Variants in GRIN2B observed in about 807,000 individuals in gnomAD.
GRIN2B encodes glutamate ionotropic receptor NMDA type subunit 2B, also known as glutamate receptor ionotropic, NMDA 2B.
Under a neutral mutation model 114.5 loss-of-function variants are expected in GRIN2B, and 5 were observed. That is an observed-to-expected ratio of 0.04 (90% CI 0.02 to 0.09). GRIN2B has a LOEUF of 0.09. GRIN2B is among the 10% of genes least tolerant of loss of function. The probability of loss-of-function intolerance (pLI) is 1.00; values close to 1 mark genes in which losing one functional copy is unlikely to be tolerated. For synonymous variants in GRIN2B, 787 were observed against 745.1 expected, an observed-to-expected ratio of 1.06 and a Z score of -0.92; for missense variants, 1,108 against 1,943.5, an observed-to-expected ratio of 0.57 and a Z score of 8.08.
intron 10 of GRIN2B, among the ~76,000 whole-genome samples, chr12:13,595,760 A>G (rs1013998140): frequency 6.6e-6 from 1 of 152,226 alleles, no homozygotes; most frequent in Non-Finnish European, 1.5e-5. Flanking sequence ...CAATTTGCAT[A>G]ACGAGGCAGG....
At chr12:13,970,494 T>A (rs1862889598) in intron 2 of GRIN2B, among the ~76,000 whole-genome samples, 1 of 152,154 alleles carries the variant, frequency 6.6e-6, no homozygotes, top group Admixed American at 6.5e-5. Context: ...TCCATCATCA[T>A]CTTTACCAAC....
chr12:13,871,721 C>CAAA (rs60305175), intron 2 of GRIN2B, among the ~76,000 whole-genome samples: 4 of 122,784 alleles, frequency 3.3e-5, no homozygotes, highest in African/African-American at 1.2e-4. Context: ...CAAGATGAAT[C>CAAA]AAAAAAAAAA....
At chr12:13,602,095 G>A (rs1391550822) in intron 10 of GRIN2B, among the ~76,000 whole-genome samples, 1 of 152,154 alleles carries the variant, frequency 6.6e-6, no homozygotes, top group Non-Finnish European at 1.5e-5. Context: ...CATGGAAAGG[G>A]CCAGACTGGC....
At chr12:13,829,979 G>C (rs989902885) in intron 3 of GRIN2B, among the ~76,000 whole-genome samples, 3 of 152,178 alleles carry the variant, frequency 2.0e-5, no homozygotes, top group African/African-American at 7.2e-5. Context: ...GAGGGGCTGG[G>C]AGGATGGAAC....
chr12:13,951,855 GGAA>G (rs1479888519), intron 2 of GRIN2B, among the ~76,000 whole-genome samples: 9 of 152,112 alleles, frequency 5.9e-5, no homozygotes, highest in African/African-American at 2.2e-4. Context: ...GGAATTCACA[GGAA>G]GAAGGGGATA....
chr12:13,878,678 T>C (rs569495355), intron 2 of GRIN2B, among the ~76,000 whole-genome samples: 28 of 152,188 alleles, frequency 1.8e-4, no homozygotes, highest in Non-Finnish European at 3.7e-4. Context: ...GAGTCGAGTA[T>C]GGCCTCTCCT....
chr12:13,639,321 AG>A (rs1448982287), intron 5 of GRIN2B, among the ~76,000 whole-genome samples: 1 of 152,134 alleles, frequency 6.6e-6, no homozygotes, highest in African/African-American at 2.4e-5. Flanking sequence ...AAAAATACAA[AG>A]ATTCTGCAGT....
At chr12:13,907,730 A>C (rs571958930) in intron 2 of GRIN2B, among the ~76,000 whole-genome samples, 63 of 152,310 alleles carry the variant, frequency 4.1e-4, no homozygotes, top group Middle Eastern at 6.8e-3. Context: ...GAAAAAATTC[A>C]TCAAGCTGTA....
At chr12:13,853,677 G>C (rs1865610956) in intron 3 of GRIN2B, among the ~76,000 whole-genome samples, 1 of 152,174 alleles carries the variant, frequency 6.6e-6, no homozygotes. Context: ...GCTGATTGCT[G>C]GTATCTGGCC....
intron 2 of GRIN2B, among the ~76,000 whole-genome samples, chr12:13,970,473 G>A (rs538834957): frequency 6.6e-6 from 1 of 152,108 alleles, no homozygotes; most frequent in Non-Finnish European, 1.5e-5. Flanking sequence ...TATCTTCAAT[G>A]CACGTTCATT....
chr12:13,670,699 A>AT (rs112274875), intron 5 of GRIN2B, among the ~76,000 whole-genome samples: 70 of 150,326 alleles, frequency 4.7e-4, no homozygotes, highest in East Asian at 1.8e-3. Flanking sequence ...GCACACAATG[A>AT]TTTTTTTTTT....
intron 3 of GRIN2B, among the ~76,000 whole-genome samples, chr12:13,770,393 A>G (rs2136645067): frequency 6.6e-6 from 1 of 152,326 alleles, no homozygotes; most frequent in Non-Finnish European, 1.5e-5. Context: ...ACAAGGTAAG[A>G]CATTAAGTTT....
intron 3 of GRIN2B, among the ~76,000 whole-genome samples, chr12:13,840,974 A>G (rs537488464): frequency 1.3e-5 from 2 of 152,354 alleles, no homozygotes; most frequent in African/African-American, 4.8e-5. Flanking sequence ...CCCTATAGCC[A>G]TGTGTTTATT....
At chr12:13,572,179 C>T (rs1948716954) in intron 10 of GRIN2B, among the ~76,000 whole-genome samples, 1 of 152,312 alleles carries the variant, frequency 6.6e-6, no homozygotes, top group Middle Eastern at 3.4e-3. Flanking sequence ...CAATTTAGTA[C>T]ATATTGCTGA....
intron 5 of GRIN2B, among the ~76,000 whole-genome samples, chr12:13,665,008 C>T (rs1949959755): frequency 6.6e-6 from 1 of 151,998 alleles, no homozygotes; most frequent in African/African-American, 2.4e-5. Flanking sequence ...CTCGAAAATC[C>T]CTTCCATGCA....
At chr12:13,782,193 A>ATAT (rs1415970930) in intron 3 of GRIN2B, among the ~76,000 whole-genome samples, 1 of 152,224 alleles carries the variant, frequency 6.6e-6, no homozygotes, top group African/African-American at 2.4e-5. Context: ...GTCAGTCAGC[A>ATAT]GGAAGGCTAC....
At chr12:13,702,139 A>G (rs931595832) in intron 4 of GRIN2B, among the ~76,000 whole-genome samples, 1 of 152,194 alleles carries the variant, frequency 6.6e-6, no homozygotes, top group Non-Finnish European at 1.5e-5. Flanking sequence ...TTCTTCCATT[A>G]TCATTCTCAG....
At chr12:13,601,927 C>T (rs533972819) in intron 10 of GRIN2B, among the ~76,000 whole-genome samples, 7 of 152,256 alleles carry the variant, frequency 4.6e-5, no homozygotes, top group Admixed American at 4.6e-4. Flanking sequence ...GGGCATATAG[C>T]AGACCCATTC....
chr12:13,607,400 A>T (rs866932542), intron 10 of GRIN2B, among the ~76,000 whole-genome samples: 35 of 58,306 alleles, frequency 6.0e-4, no homozygotes, highest in Non-Finnish European at 7.9e-4. Context: ...TATTATATAT[A>T]ATATATAAAA....
Sources: gnomAD v4.1 joint callset for allele counts (sites outside exome capture counted in the v4.1 genomes callset) on GRCh38, gnomAD v4.1.1 for gene constraint, MANE v1.5 for transcripts, NCBI Gene and HGNC (gene_info 2026-07-23, HGNC 2026-07-21) for gene names.